The following MTA3 variants were observed in gnomAD, a reference collection of about 807,000 sequenced individuals.
MTA3 encodes the protein metastasis associated 1 family member 3, also known as metastasis-associated protein MTA3.
A neutral mutation model predicts 83.5 loss-of-function variants in MTA3; 34 were observed. That is an observed-to-expected ratio of 0.41 (90% confidence interval 0.31 to 0.54). MTA3 has a LOEUF of 0.54. MTA3 is among the 20% of genes least tolerant of loss of function. MTA3 has a pLI of 0.33. For synonymous variants in MTA3, 303 were observed against 252.7 expected (o/e 1.20, Z -1.89); for missense variants, 761 against 726.4 (o/e 1.05, Z -0.55).
At chr2:42,729,097 T>G (rs947516578) in intron 16 of MTA3, among the ~76,000 whole-genome samples, 5 of 121,464 alleles carry the variant, frequency 4.1e-5, no homozygotes, top group African/African-American at 1.6e-4. Context: ...TTTTTTTTTT[T>G]TTTTTTTTTT....
chr2:42,651,215 G>A (rs943786882), intron 6 of MTA3, among the ~76,000 whole-genome samples: 4 of 152,224 alleles, frequency 2.6e-5, no homozygotes, highest in African/African-American at 9.6e-5. Context: ...TGTGAATGGA[G>A]CTTGCAGCAC....
intron 16 of MTA3, among the ~76,000 whole-genome samples, chr2:42,740,159 T>G (rs1200348266): frequency 6.6e-6 from 1 of 152,354 alleles, no homozygotes; most frequent in South Asian, 2.1e-4. Context: ...AGAGGAATCA[T>G]TATCTATGGC....
At chr2:42,590,950 C>G (rs1241958321) in intron 3 of MTA3, among the ~76,000 whole-genome samples, 1 of 152,144 alleles carries the variant, frequency 6.6e-6, no homozygotes, top group African/African-American at 2.4e-5. Context: ...AATTTGACCA[C>G]TGTGTACTGG....
intron 16 of MTA3, among the ~76,000 whole-genome samples, chr2:42,744,942 A>G (rs922468698): frequency 5.3e-5 from 8 of 152,212 alleles, no homozygotes; most frequent in African/African-American, 1.9e-4. Context: ...GGCAATGGAA[A>G]TGGAAGAATT....
chr2:42,725,860 C>T (rs1667771242), intron 16 of MTA3, among the ~76,000 whole-genome samples: 1 of 152,158 alleles, frequency 6.6e-6, no homozygotes, highest in South Asian at 2.1e-4. Flanking sequence ...AGAGTCCCAC[C>T]CACCCCCAGC....
At chr2:42,726,511 C>A (rs528271912) in intron 16 of MTA3, among the ~76,000 whole-genome samples, 7 of 152,080 alleles carry the variant, frequency 4.6e-5, no homozygotes, top group African/African-American at 4.8e-5. Context: ...CCCACTCCCC[C>A]CAACCCACAA....
At chr2:42,583,317 A>G (rs1679878161) in intron 3 of MTA3, among the ~76,000 whole-genome samples, 1 of 152,130 alleles carries the variant, frequency 6.6e-6, no homozygotes, top group African/African-American at 2.4e-5. Flanking sequence ...GTGGAGTTAG[A>G]TGTATCTTAC....
intron 14 of MTA3, among the ~76,000 whole-genome samples, chr2:42,711,309 A>G (rs557366841): frequency 1.7e-3 from 257 of 152,054 alleles, no homozygotes; most frequent in African/African-American, 6.0e-3. Flanking sequence ...AATGAAGTAT[A>G]TTTTTCTTTT....
chr2:42,609,695 C>G (rs1683946234), intron 4 of MTA3, 111 bp downstream of exon 4: 4 of 1,221,716 alleles, frequency 3.3e-6, no homozygotes, highest in South Asian at 1.9e-5. Flanking sequence ...AACTACTTTG[C>G]TAAAGGCTTC....
intron 1 of MTA3, 96 bp downstream of exon 1, chr2:42,568,869 C>G: frequency 1.7e-6 from 2 of 1,164,064 alleles, no homozygotes; most frequent in Non-Finnish European, 2.1e-6. Flanking sequence ...GCCAAGGGCG[C>G]CGGGGCTGAG....
At chr2:42,567,235 C>T (rs1677954847), upstream of MTA3, among the ~76,000 whole-genome samples, 1 of 152,184 alleles carries the variant, frequency 6.6e-6, no homozygotes, top group East Asian at 1.9e-4. Context: ...CTGATCCTTA[C>T]CACACCTGTG....
At chr2:42,704,091 T>G in intron 11 of MTA3, 103 bp from the exon 12 acceptor site, 1 of 1,287,334 alleles carries the variant, frequency 7.8e-7, no homozygotes, top group Non-Finnish European at 1.1e-6. Context: ...TTTAAAATGT[T>G]TGTTTATGTT....
At chr2:42,564,186 A>G (rs1677800960), upstream of MTA3, among the ~76,000 whole-genome samples, 1 of 152,128 alleles carries the variant, frequency 6.6e-6, no homozygotes, top group Admixed American at 6.6e-5. Context: ...TAGGTTAACC[A>G]CCCAGAGGCT....
rs558232055 is a variant in MTA3 at position 42,555,252 on chromosome 2, C to A, written c.-140-15185C>A. 7.3e-5 allele frequency among the ~76,000 whole-genome samples: 11 copies of A among 151,258 alleles called. No homozygotes were observed. The South Asian group carries it at 2.3e-3, about 32-fold the overall frequency. On this transcript the variant is annotated intron_variant, in intron 2 of 17. Transcript: ENST00000405592. ...GCCTAGGCGGTGGATTAACTGAGGT[C>A]GGGAGTTCGAGACCAGCCTGACCAA...
chr2:42,750,480 C>G (rs575439337), intron 16 of MTA3, among the ~76,000 whole-genome samples: 12 of 151,952 alleles, frequency 7.9e-5, no homozygotes, highest in East Asian at 1.9e-4. Context: ...AGTGAAAGCT[C>G]TGTGCTTGTT....
chr2:42,691,530 T>A (rs970795569), intron 9 of MTA3, among the ~76,000 whole-genome samples: 7 of 152,212 alleles, frequency 4.6e-5, no homozygotes, highest in African/African-American at 1.7e-4. Context: ...GGCTTTGTGC[T>A]TAAGACAAGT....
At chr2:42,605,834 T>A (rs1312225896) in intron 3 of MTA3, among the ~76,000 whole-genome samples, 1 of 84,172 alleles carries the variant, frequency 1.2e-5, no homozygotes, top group Non-Finnish European at 2.4e-5. Context: ...GCTGGCCGGG[T>A]GGAGGGCTGA....
At chr2:42,588,887 A>G (rs1360422986) in intron 3 of MTA3, among the ~76,000 whole-genome samples, 3 of 152,116 alleles carry the variant, frequency 2.0e-5, no homozygotes, top group Non-Finnish European at 4.4e-5. Flanking sequence ...ACTGGTTTAC[A>G]TAATTGCTGG....
chr2:42,531,144 T>G (rs896249851), intron 2 of MTA3, among the ~76,000 whole-genome samples: 8 of 152,110 alleles, frequency 5.3e-5, no homozygotes, highest in African/African-American at 1.9e-4. Context: ...GTGGCAGTAT[T>G]AAGAGGTGGA....
Sources: gnomAD v4.1 joint callset for allele counts (sites outside exome capture counted in the v4.1 genomes callset) on GRCh38, gnomAD v4.1.1 for gene constraint, MANE v1.5 for transcripts, NCBI Gene and HGNC (gene_info 2026-07-23, HGNC 2026-07-21) for gene names.